NELL2: variants seen among roughly 807,000 people sequenced by gnomAD.
NELL2 encodes the protein protein kinase C-binding protein NELL2.
A neutral mutation model predicts 109.6 loss-of-function variants in NELL2; 41 were observed. The observed-to-expected ratio is 0.37, with a 90% CI of 0.29 to 0.49. The LOEUF (loss-of-function observed/expected upper bound fraction) is 0.49, where lower values mean the gene tolerates loss of function less well. NELL2 is among the 20% of genes least tolerant of loss of function. NELL2 has a pLI of 0.98. For missense variants in NELL2, 900 were observed against 1,008.3 expected, an observed-to-expected ratio of 0.89 and a Z score of 1.45; for synonymous variants, 355 against 344.7, an observed-to-expected ratio of 1.03 and a Z score of -0.33.
intron 5 of NELL2, among the ~76,000 whole-genome samples, chr12:44,778,388 TC>T (rs1941830664): frequency 6.6e-6 from 1 of 152,152 alleles, no homozygotes; most frequent in Non-Finnish European, 1.5e-5. Flanking sequence ...GTGTACCAAC[TC>T]CTATCACTTA....
chr12:44,846,197 C>T (rs922897093), intron 2 of NELL2, among the ~76,000 whole-genome samples: 1 of 152,206 alleles, frequency 6.6e-6, no homozygotes, highest in Non-Finnish European at 1.5e-5. Context: ...CACATAGCAT[C>T]TGTGGTTCAT....
chr12:44,914,099 C>A (rs1355369074), upstream of NELL2: 5 of 189,856 alleles, frequency 2.6e-5, no homozygotes, highest in Non-Finnish European at 5.5e-5. Flanking sequence ...CTGCTATCAT[C>A]ATTCCCTTCA....
intron 15 of NELL2, among the ~76,000 whole-genome samples, chr12:44,581,759 C>T (rs1233957868): frequency 6.6e-6 from 1 of 152,044 alleles, no homozygotes; most frequent in Non-Finnish European, 1.5e-5. Flanking sequence ...CAATTGAAAG[C>T]TATTACTGAA....
At chr12:44,663,551 C>A (rs1432266181) in intron 13 of NELL2, among the ~76,000 whole-genome samples, 1 of 152,192 alleles carries the variant, frequency 6.6e-6, no homozygotes, top group Non-Finnish European at 1.5e-5. Flanking sequence ...AAATGATTTT[C>A]TACTCCCTTC....
chr12:44,886,125 AAGGAAGG>A (rs1288605204), intron 1 of NELL2, among the ~76,000 whole-genome samples: 2 of 148,680 alleles, frequency 1.3e-5, no homozygotes, highest in Non-Finnish European at 3.0e-5. Context: ...GGAAGGAAGG[AAGGAAGG>A]AAGGAAGGAA....
chr12:44,789,627 C>A (rs1942308385), intron 3 of NELL2, among the ~76,000 whole-genome samples: 1 of 151,860 alleles, frequency 6.6e-6, no homozygotes, highest in Admixed American at 6.6e-5. Context: ...AGAAGAAATC[C>A]CTGATTTACC....
intron 15 of NELL2, among the ~76,000 whole-genome samples, chr12:44,602,297 T>A (rs1945249291): frequency 6.6e-6 from 1 of 151,838 alleles, no homozygotes; most frequent in Admixed American, 6.6e-5. Context: ...GAACCCTCCA[T>A]GAGTATGTGC....
At chr12:44,665,395 T>C (rs1488109674) in intron 13 of NELL2, 89 bp downstream of exon 13, 10 of 1,126,842 alleles carry the variant, frequency 8.9e-6, no homozygotes, top group Non-Finnish European at 1.2e-5. Context: ...ATTTATGGTA[T>C]ACTTATCAAA....
At chr12:44,801,426 G>A (rs1942826067) in intron 3 of NELL2, among the ~76,000 whole-genome samples, 1 of 152,018 alleles carries the variant, frequency 6.6e-6, no homozygotes, top group African/African-American at 2.4e-5. Flanking sequence ...GTGCTATCTG[G>A]TCATTAGAGT....
At chr12:44,869,666 T>C (rs1307141870) in intron 2 of NELL2, among the ~76,000 whole-genome samples, 3 of 152,164 alleles carry the variant, frequency 2.0e-5, no homozygotes, top group Non-Finnish European at 2.9e-5. Flanking sequence ...GCTGAAATGG[T>C]TGAGGGGATC....
Position 44,875,858 on chromosome 12 carries a change from C to A in NELL2, c.12G>T (p.Arg4=), listed in dbSNP as rs1309020904. The stretch of plus-strand genomic sequence containing the variant: ...TCAAACAGAATGTTCTCAGTAAGAC[C>A]CGAGACTCCATGGTGCGGATCAGCT... MES[R]VLLRTFCLIF... is the part of the protein sequence containing the mutation. The change falls in exon 1 of 20, where the codon CGG becomes CGT. Residue 4 remains arginine, a synonymous_variant. Coordinates refer to ENST00000429094, the MANE Select transcript of NELL2 (RefSeq NM_001145108.2). 2 of 1,613,896 alleles carry A rather than the reference C, an allele frequency of 1.2e-6. No individual in the cohort carries two copies. Among genetic ancestry groups the A allele is most frequent in the Non-Finnish European group, 1.7e-6 (2 of 1,180,042 alleles).
intron 15 of NELL2, among the ~76,000 whole-genome samples, chr12:44,587,092 G>A (rs1311613192): frequency 1.3e-5 from 2 of 151,350 alleles, no homozygotes; most frequent in Non-Finnish European, 2.9e-5. Context: ...CTAACATGGT[G>A]AAACCCCATC....
intron 13 of NELL2, among the ~76,000 whole-genome samples, chr12:44,614,547 GA>G (rs927801960): frequency 6.6e-6 from 1 of 151,516 alleles, no homozygotes; most frequent in African/African-American, 2.4e-5. Context: ...TCGTCCATGG[GA>G]AAAAAAAGTA....
At chr12:44,861,970 A>G (rs1474333246) in intron 2 of NELL2, among the ~76,000 whole-genome samples, 1 of 152,210 alleles carries the variant, frequency 6.6e-6, no homozygotes, top group Admixed American at 6.5e-5. Context: ...ATAAAAAGCC[A>G]AGGAGATATA....
intron 1 of NELL2, among the ~76,000 whole-genome samples, chr12:44,912,570 C>T (rs1945791770): frequency 6.6e-6 from 1 of 152,020 alleles, no homozygotes; most frequent in African/African-American, 2.4e-5. Flanking sequence ...GAAAATGCTA[C>T]TGGAGTAATG....
intron 8 of NELL2, among the ~76,000 whole-genome samples, chr12:44,775,696 C>G (rs149952192): frequency 2.2e-3 from 331 of 152,082 alleles, no homozygotes; most frequent in African/African-American, 7.2e-3. Flanking sequence ...CATGAAAACA[C>G]AAGGGAGAAA....
intron 2 of NELL2, among the ~76,000 whole-genome samples, chr12:44,838,701 T>C (rs1397766618): frequency 6.6e-6 from 1 of 152,222 alleles, no homozygotes; most frequent in African/African-American, 2.4e-5. Flanking sequence ...TATTACAATG[T>C]GGATAAATAG....
chr12:44,650,453 G>T (rs533823158), intron 13 of NELL2, among the ~76,000 whole-genome samples: 1 of 151,880 alleles, frequency 6.6e-6, no homozygotes, highest in East Asian at 1.9e-4. Context: ...CTGCCACCAC[G>T]CCTGGCTAAT....
At chr12:44,622,253 A>T (rs1053292566) in intron 13 of NELL2, among the ~76,000 whole-genome samples, 1 of 152,154 alleles carries the variant, frequency 6.6e-6, no homozygotes, top group Non-Finnish European at 1.5e-5. Flanking sequence ...TGCTTAAGAA[A>T]TCATGATGCT....
Sources: allele counts gnomAD v4.1 joint callset (sites outside exome capture counted in the v4.1 genomes callset), GRCh38; gene constraint gnomAD v4.1.1; transcripts MANE v1.5; gene names NCBI Gene and HGNC (gene_info 2026-07-23, HGNC 2026-07-21).